ACAN: variants seen among roughly 807,000 people sequenced by gnomAD.
ACAN encodes aggrecan.
In ACAN, 47 loss-of-function variants were observed where a neutral mutation model predicts 169.1. The ratio of observed to expected loss-of-function variants is 0.28; its 90% CI spans 0.22 to 0.35. The LOEUF (loss-of-function observed/expected upper bound fraction) is 0.35, where lower values mean the gene tolerates loss of function less well. ACAN is among the 10% of genes least tolerant of loss of function. The pLI is 1.00. For synonymous variants in ACAN, 1,115 were observed against 1,112.2 expected (o/e 1.00, Z -0.05); for missense variants, 2,716 against 2,759.9 (o/e 0.98, Z 0.36).
At position 88,849,521 on chromosome 15, in the gene ACAN, G is replaced by C. The variant is rs1301236820; in HGVS notation, c.1816G>C (p.Ala606Pro). 1 of 1,605,584 alleles carries C rather than the reference G, an allele frequency of 6.2e-7. No homozygotes were observed. The highest frequency in any genetic ancestry group is 1.3e-5 in the African/African-American group (1 of 74,882). ...EFCESHNATLATTGQLYAAWS... is the reference protein window; with the variant it reads ...EFCESHNATLPTTGQLYAAWS... ...CTGTGAATCTCACAATGCTACGCTG[G>C]CCACCACGGGCCAGCTCTACGCCGC... is the stretch of plus-strand genomic sequence containing the variant. The change falls in exon 10 of 19, where the codon GCC becomes CCC. Residue 606 changes from alanine (A) to proline (P), a missense_variant. By Grantham distance (27) the Ala-to-Pro change is conservative. Transcript: ENST00000560601. The surrounding 1 kb of genome is among the most constrained non-coding windows in gnomAD (Gnocchi z 5.1).
At chr15:88,850,282 A>G (rs1896902340) in intron 10 of ACAN, 1 of 178,742 alleles carries the variant, frequency 5.6e-6, no homozygotes, top group Non-Finnish European at 1.2e-5. Flanking sequence ...TTATTCTATT[A>G]TTCTTCACTA....
Position 88,824,170 on chromosome 15 carries a change from A to G in ACAN, c.-7-12030A>G, listed in dbSNP as rs550912428. Among the ~76,000 whole-genome samples the G allele has an allele frequency of 3.2e-3, 481 of 152,152 alleles. 3 individuals are homozygous for G. The highest frequency in any genetic ancestry group is 0.011 in the African/African-American group (451 of 41,506). On this transcript the variant is annotated intron_variant, in intron 1 of 18. Coordinates refer to ENST00000560601, the MANE Select transcript of ACAN (RefSeq NM_001369268.1). The stretch of plus-strand genomic sequence containing the variant: ...AAACCCCGTCTCTACTAAAAATACA[A>G]AAAATTAGCCAGGCGTGGTGGCGGG...
rs1185863833 is a variant in ACAN at position 88,857,158 on chromosome 15, C to A, written c.4573C>A (p.Leu1525Ile). ...LETSASGVED[L>I]SRLPSGEEVL... is the part of the protein sequence containing the mutation. ...GACCTCTGCTTCTGGAGTAGAGGAC[C>A]TCAGCAGGCTCCCTTCTGGAGAAGA... is the stretch of plus-strand genomic sequence containing the variant. The change falls in exon 12 of 19, where the codon CTC (leucine) becomes ATC (isoleucine). Residue 1525 changes from leucine to isoleucine, a missense_variant. By Grantham distance (5) the Leu-to-Ile change is conservative. This residue lies in a region of ACAN where 1,389 missense variants were observed against 1,363.7 expected (regional missense o/e 1.02). Transcript: ENST00000560601. The A allele has an allele frequency of 1.2e-6, 2 of 1,611,546 alleles. No homozygotes were observed. The highest frequency in any genetic ancestry group is 1.1e-5 in the South Asian group (1 of 90,828).
At chr15:88,827,203 G>A (rs916972570) in intron 1 of ACAN, among the ~76,000 whole-genome samples, 2 of 152,218 alleles carry the variant, frequency 1.3e-5, no homozygotes, top group African/African-American at 4.8e-5. Context: ...CCACAGAGAA[G>A]CTCCAAGAGC....
At chr15:88,823,936 G>A (rs1035425546) in intron 1 of ACAN, among the ~76,000 whole-genome samples, 3 of 152,138 alleles carry the variant, frequency 2.0e-5, no homozygotes, top group African/African-American at 7.2e-5. Flanking sequence ...TCTACTCAGA[G>A]CTACCCTCCC....
chr15:88,837,174 G>A (rs1197360213), intron 2 of ACAN, among the ~76,000 whole-genome samples: 2 of 152,196 alleles, frequency 1.3e-5, no homozygotes, highest in African/African-American at 2.4e-5. Context: ...AGGAGTGGCT[G>A]TTTGTATGGG....
In ACAN at chr15:88,874,155, G is replaced by T. The variant is rs907826061; in HGVS notation, c.7630+131G>T. 2.3e-6 allele frequency: 3 copies of T among 1,303,248 alleles called. No homozygotes were observed. In the African/African-American group the frequency reaches 4.4e-5, roughly 19 times the overall value. The allele number at this position is 1,303,248 out of a possible 1,614,324, so 80.7% of individuals were successfully genotyped here. A position where few individuals can be genotyped will look rare whatever the true frequency, so the allele number is the denominator to read the frequency against. ...GCAAGGGAAGGGAGGTCGGGGGGCTGCTCAGTCACAAATAGCTGACCACTG... is the reference window on the plus strand; with the variant it reads ...GCAAGGGAAGGGAGGTCGGGGGGCTTCTCAGTCACAAATAGCTGACCACTG... On this transcript the variant is annotated intron_variant, in intron 18 of 18. Transcript: ENST00000560601. This position sits in a 1 kb window ranked among gnomAD's most constrained non-coding sequence, Gnocchi z 7.3.
At chr15:88,822,527 C>T (rs1448614877) in intron 1 of ACAN, among the ~76,000 whole-genome samples, 2 of 151,304 alleles carry the variant, frequency 1.3e-5, no homozygotes, top group Non-Finnish European at 2.9e-5. Flanking sequence ...AGTGCAATGG[C>T]GTGATCTTGG....
rs1181344821 is a variant in ACAN, at chr15:88,838,525, T to A, written c.71-138T>A. The A allele has an allele frequency of 7.4e-6, 8 of 1,087,842 alleles. No individual in the cohort carries two copies. Among genetic ancestry groups the A allele is most frequent in the Non-Finnish European group, 1.1e-5 (8 of 759,262 alleles). 67.4% of individuals were successfully genotyped at this position (1,087,842 alleles called of 1,614,324 possible). ...GGAATTCCCACATGACACGGGAGCATCCCCATCATAGAGACAGACACACTC... is the reference window on the plus strand; with the variant it reads ...GGAATTCCCACATGACACGGGAGCAACCCCATCATAGAGACAGACACACTC... On this transcript the variant is annotated intron_variant, in intron 2 of 18. Transcript: ENST00000560601. This position sits in a 1 kb window ranked among gnomAD's most constrained non-coding sequence, Gnocchi z 5.1.
At chr15:88,817,849 G>GAAAAAAAAAAAAAAAA (rs10710630) in intron 1 of ACAN, among the ~76,000 whole-genome samples, 1 of 73,406 alleles carries the variant, frequency 1.4e-5, no homozygotes, top group African/African-American at 5.4e-5. Flanking sequence ...GTGAGACTCT[G>GAAAAAAAAAAAAAAAA]AAAAAAAAAA....
intron 1 of ACAN, among the ~76,000 whole-genome samples, chr15:88,811,599 G>T (rs995128166): frequency 3.3e-5 from 5 of 152,208 alleles, no homozygotes; most frequent in African/African-American, 1.2e-4. Flanking sequence ...TCACTGTGGG[G>T]TGGGGTGGGG....
intron 6 of ACAN, among the ~76,000 whole-genome samples, chr15:88,844,014 C>T (rs1358128753): frequency 2.0e-5 from 3 of 152,164 alleles, no homozygotes; most frequent in Non-Finnish European, 4.4e-5. Context: ...ATGGGGTGCC[C>T]GCCTGCAAAG....
intron 1 of ACAN, among the ~76,000 whole-genome samples, chr15:88,810,448 G>C (rs987981444): frequency 6.6e-6 from 1 of 151,950 alleles, no homozygotes; most frequent in African/African-American, 2.4e-5. Context: ...CGCCTCAGCC[G>C]CCGCCTCGGG....
Position 88,852,021 on chromosome 15 carries a change from T to C in ACAN, c.2254T>C (p.Ser752Pro). ...WEPAYTPVGT[S>P]PLPGILPTWP... is the part of the protein sequence containing the mutation. ...ACCAGCCTATACCCCAGTGGGCACA[T>C]CCCCGCTGCCAGGTTGGTATGGCTT... Residue 752 changes from serine (S) to proline (P), a missense_variant, in exon 11 of 19, where the codon TCC becomes CCC. Coordinates refer to ENST00000560601, the MANE Select transcript of ACAN (RefSeq NM_001369268.1). 1.2e-6 allele frequency: 2 copies of C among 1,603,298 alleles called. No homozygotes were observed. The highest frequency in any genetic ancestry group is 1.7e-6 in the Non-Finnish European group (2 of 1,175,042).
chr15:88,816,406 C>G (rs899826909), intron 1 of ACAN, among the ~76,000 whole-genome samples: 1 of 152,166 alleles, frequency 6.6e-6, no homozygotes, highest in Non-Finnish European at 1.5e-5. Flanking sequence ...ATTCTCCCAT[C>G]GGTCAGTGCT....
In ACAN at chr15:88,869,287, T is replaced by A. The variant is rs550404381; in HGVS notation, c.7060+958T>A. On this transcript the variant is annotated intron_variant, in intron 14 of 18. Coordinates refer to ENST00000560601, the MANE Select transcript of ACAN (RefSeq NM_001369268.1). The surrounding 1 kb of genome is among the most constrained non-coding windows in gnomAD (Gnocchi z 4.2). ...CTTTTCAATGAACTCTCAAGTTGGA[T>A]ACCCAGAAACTTCCAGAAGGCAGGT... Among the ~76,000 whole-genome samples, 1 of 152,332 alleles carries A rather than the reference T, an allele frequency of 6.6e-6. No homozygotes were observed. Among genetic ancestry groups the A allele is most frequent in the African/African-American group, 2.4e-5 (1 of 41,578 alleles).
rs751144925 is a variant in ACAN at position 88,838,682 on chromosome 15, T to G, written c.90T>G (p.Ser30Arg). The change falls in exon 3 of 19, where the codon AGT (serine) becomes AGG (arginine). Residue 30 changes from serine to arginine, a missense_variant. Physicochemically the swap from Ser to Arg is moderately radical, Grantham distance 110. Around this residue, in one of 3 missense-constraint regions of ACAN, gnomAD observed 1,283 missense variants for 1,281.5 expected, o/e 1.00. Transcript: ENST00000560601. The surrounding 1 kb of genome is among the most constrained non-coding windows in gnomAD (Gnocchi z 5.1). ...ACACAGACCATGACAACTCGCTGAG[T>G]GTCAGCATCCCCCAACCGTCCCCGC... is the stretch of plus-strand genomic sequence containing the variant. ...VETSDHDNSL[S>R]VSIPQPSPLR... 12 of 1,589,590 alleles carry G rather than the reference T, an allele frequency of 7.5e-6. 1 individual carries two copies. The South Asian group carries it at 1.4e-4, about 18-fold the overall frequency.
Position 88,857,512 on chromosome 15 carries a change from C to G in ACAN, c.4927C>G (p.Pro1643Ala), listed in dbSNP as rs1468454210. 1.9e-6 allele frequency: 3 copies of G among 1,613,928 alleles called. No individual in the cohort carries two copies. The South Asian group carries it at 3.3e-5, about 18-fold the overall frequency. The change falls in exon 12 of 19, where the codon CCC becomes GCC. Residue 1643 changes from proline (P) to alanine (A), a missense_variant. Physicochemically the swap from Pro to Ala is conservative, Grantham distance 27. Around this residue, in one of 3 missense-constraint regions of ACAN, gnomAD observed 1,389 missense variants for 1,363.7 expected, o/e 1.02. Coordinates refer to ENST00000560601, the MANE Select transcript of ACAN (RefSeq NM_001369268.1). ...TGGGGTGGACCTTGGAAGTGGCCCA[C>G]CCTCTGGCCTGCCTGACTTTAGTGG... ...YSGVDLGSGP[P>A]SGLPDFSGLP...
At chr15:88,815,094 C>G (rs1357560124) in intron 1 of ACAN, among the ~76,000 whole-genome samples, 1 of 151,754 alleles carries the variant, frequency 6.6e-6, no homozygotes, top group African/African-American at 2.4e-5. Flanking sequence ...ACATTCACTT[C>G]TTGTTTTTTC....
Sources: gnomAD v4.1 joint callset for allele counts (sites outside exome capture counted in the v4.1 genomes callset) on GRCh38, gnomAD v4.1.1 for gene constraint, gnomAD v4.1.1 regional missense constraint, Gnocchi (gnomAD v3.1) non-coding constraint, MANE v1.5 for transcripts, NCBI Gene and HGNC (gene_info 2026-07-23, HGNC 2026-07-21) for gene names.